The following CCDC122 variants were observed in gnomAD, a reference collection of about 807,000 sequenced individuals.
CCDC122 encodes coiled-coil domain containing 122.
A neutral mutation model predicts 37.0 loss-of-function variants in CCDC122; 38 were observed. That is an observed-to-expected ratio of 1.03 (90% CI 0.79 to 1.35). The LOEUF (loss-of-function observed/expected upper bound fraction) is 1.35, where lower values mean the gene tolerates loss of function less well. Among genes scored for constraint, CCDC122 ranks in the 40% most tolerant of loss-of-function variants. The pLI is 0.00. For missense variants in CCDC122, 305 were observed against 310.0 expected (o/e 0.98, Z 0.12); for synonymous variants, 83 against 95.6 (o/e 0.87, Z 0.77).
downstream of CCDC122, among the ~76,000 whole-genome samples, chr13:43,834,474 T>C (rs976383847): frequency 6.6e-6 from 1 of 152,154 alleles, no homozygotes; most frequent in Non-Finnish European, 1.5e-5. Flanking sequence ...CTAATTAAAC[T>C]AAAGAGCTTC....
intron 3 of CCDC122, among the ~76,000 whole-genome samples, chr13:43,831,162 G>T (rs1953085588): frequency 6.6e-6 from 1 of 152,156 alleles, no homozygotes. Context: ...TCTAAGTGAA[G>T]AAAGTGTTCT....
At chr13:43,827,954 T>C (rs1207168181) in intron 3 of CCDC122, among the ~76,000 whole-genome samples, 4 of 152,182 alleles carry the variant, frequency 2.6e-5, no homozygotes, top group Non-Finnish European at 5.9e-5. Context: ...AAGCACATGC[T>C]TAGAGAAGAG....
At chr13:43,829,602 G>A (rs1673081259) in intron 3 of CCDC122, among the ~76,000 whole-genome samples, 1 of 151,462 alleles carries the variant, frequency 6.6e-6, no homozygotes, top group Non-Finnish European at 1.5e-5. Context: ...CAACATGCCC[G>A]GCCAGCTCAT....
At chr13:43,866,888 T>G (rs2153877827) in intron 4 of CCDC122, among the ~76,000 whole-genome samples, 1 of 152,294 alleles carries the variant, frequency 6.6e-6, no homozygotes, top group African/African-American at 2.4e-5. Flanking sequence ...ACAGATTTAC[T>G]TCTTTCTTTC....
At position 43,851,823 on chromosome 13, in the gene CCDC122, G is replaced by A. The variant is rs1953742881; in HGVS notation, c.672+6958C>T. Among the ~76,000 whole-genome samples the A allele has an allele frequency of 3.9e-5, 6 of 152,114 alleles. No individual in the cohort carries two copies. The South Asian group carries it at 1.2e-3, about 32-fold the overall frequency. ...ACTGGGGCCTGATACAAGTCCCCCAGAGTTACAGCACACAGTCCAGGAGTT... is the reference window on the plus strand; with the variant it reads ...ACTGGGGCCTGATACAAGTCCCCCAAAGTTACAGCACACAGTCCAGGAGTT... On this transcript the variant is annotated intron_variant, in intron 6 of 6. Transcript: ENST00000444614.
chr13:43,861,501 A>G (rs923100091), intron 4 of CCDC122, among the ~76,000 whole-genome samples: 5 of 152,108 alleles, frequency 3.3e-5, no homozygotes, highest in African/African-American at 1.2e-4. Context: ...AACTGTCTAA[A>G]TGTTTCTCAA....
At chr13:43,839,030 G>A (rs376070457) in intron 6 of CCDC122, among the ~76,000 whole-genome samples, 35 of 152,176 alleles carry the variant, frequency 2.3e-4, no homozygotes, top group East Asian at 7.7e-4. Context: ...GCTTATCTCC[G>A]TTTCAAGAGA....
chr13:43,856,611 T>A (rs1594839706), intron 6 of CCDC122: 1 of 163,094 alleles, frequency 6.1e-6, no homozygotes, highest in Non-Finnish European at 1.3e-5. Flanking sequence ...GCCTGGGCGA[T>A]GGGGCGAGAC....
At chr13:43,839,438 T>G (rs187332843) in intron 6 of CCDC122, among the ~76,000 whole-genome samples, 1 of 152,344 alleles carries the variant, frequency 6.6e-6, no homozygotes, top group African/African-American at 2.4e-5. Context: ...TACTTTGTAT[T>G]GCCAAATAAT....
downstream of CCDC122, among the ~76,000 whole-genome samples, chr13:43,834,434 G>A (rs1299347908): frequency 1.3e-5 from 2 of 152,118 alleles, no homozygotes; most frequent in Non-Finnish European, 2.9e-5. Flanking sequence ...AAAAGCAATG[G>A]CAACAAAAGC....
At chr13:43,839,380 A>G (rs1472785472) in intron 6 of CCDC122, among the ~76,000 whole-genome samples, 1 of 152,218 alleles carries the variant, frequency 6.6e-6, no homozygotes, top group Non-Finnish European at 1.5e-5. Flanking sequence ...TTCACTTAGC[A>G]TAATGGCTTT....
At chr13:43,865,009 A>C (rs1954228591) in intron 4 of CCDC122, among the ~76,000 whole-genome samples, 1 of 152,150 alleles carries the variant, frequency 6.6e-6, no homozygotes, top group Admixed American at 6.5e-5. Flanking sequence ...GGGTTGGTAT[A>C]AACATATTGA....
intron 3 of CCDC122, among the ~76,000 whole-genome samples, chr13:43,828,597 C>T (rs1020117786): frequency 7.6e-6 from 1 of 131,928 alleles, no homozygotes; most frequent in Non-Finnish European, 1.6e-5. Context: ...CACACACACA[C>T]ACGTGTCTTT....
At chr13:43,819,159 G>GA (rs1241911216), downstream of CCDC122, among the ~76,000 whole-genome samples, 1 of 152,100 alleles carries the variant, frequency 6.6e-6, no homozygotes, top group African/African-American at 2.4e-5. Context: ...TGTTATGTAG[G>GA]AAAAATCCAA....
At chr13:43,869,257 C>A (rs889371052) in intron 3 of CCDC122, 74 bp downstream of exon 3, 2 of 1,114,026 alleles carry the variant, frequency 1.8e-6, no homozygotes, top group Non-Finnish European at 2.7e-6. Flanking sequence ...AATTTTAACA[C>A]AATTATCCTG....
chr13:43,826,226 C>T (rs1953039620), intron 3 of CCDC122, among the ~76,000 whole-genome samples: 1 of 152,102 alleles, frequency 6.6e-6, no homozygotes, highest in Non-Finnish European at 1.5e-5. Flanking sequence ...CTCTAGTGCT[C>T]ACCATATTAA....
In CCDC122 at chr13:43,860,088, A is replaced by T; in HGVS notation, c.157-18T>A. On this transcript the variant is annotated intron_variant, in intron 4 of 6. Transcript: ENST00000444614. ...AGTTCATTCTGTAATACATTTTAAC[A>T]TTATCATTATTAATTCAAAATATTA... 1.6e-6 allele frequency: 2 copies of T among 1,274,782 alleles called. No individual in the cohort carries two copies. Among genetic ancestry groups the T allele is most frequent in the South Asian group, 4.3e-5 (2 of 47,034 alleles). 79.0% of individuals were successfully genotyped at this position (1,274,782 alleles called of 1,614,324 possible).
chr13:43,819,543 A>G (rs1952980236), downstream of CCDC122, among the ~76,000 whole-genome samples: 2 of 152,206 alleles, frequency 1.3e-5, no homozygotes. Flanking sequence ...CACTGTGGAG[A>G]TATGTCCAGT....
At chr13:43,832,490 TAA>T (rs1485316813), downstream of CCDC122, among the ~76,000 whole-genome samples, 1 of 152,164 alleles carries the variant, frequency 6.6e-6, no homozygotes, top group African/African-American at 2.4e-5. Flanking sequence ...ATGTAAACTT[TAA>T]AAGTTTCCAA....
Sources: gnomAD v4.1 joint callset for allele counts (sites outside exome capture counted in the v4.1 genomes callset) on GRCh38, gnomAD v4.1.1 for gene constraint, MANE v1.5 for transcripts, NCBI Gene and HGNC (gene_info 2026-07-23, HGNC 2026-07-21) for gene names.